The following MCC variants were observed in gnomAD, a reference collection of about 807,000 sequenced individuals.
The protein encoded by MCC is MCC regulator of Wnt signaling pathway.
Under a neutral mutation model 116.2 loss-of-function variants are expected in MCC, and 90 were observed. That is an observed-to-expected ratio of 0.77 (90% CI 0.65 to 0.92). The LOEUF (loss-of-function observed/expected upper bound fraction) is 0.92, where lower values mean the gene tolerates loss of function less well. MCC is among the 40% of genes least tolerant of loss of function. The probability of loss-of-function intolerance (pLI) is 0.00; values close to 1 mark genes in which losing one functional copy is unlikely to be tolerated. For synonymous variants in MCC, 578 were observed against 510.5 expected (o/e 1.13, Z -1.78); for missense variants, 1,516 against 1,312.2 (o/e 1.16, Z -2.40).
intron 3 of MCC, among the ~76,000 whole-genome samples, chr5:113,279,600 C>T (rs978751900): frequency 1.3e-5 from 2 of 152,180 alleles, no homozygotes; most frequent in African/African-American, 4.8e-5. Flanking sequence ...GCATGTAGAA[C>T]ACAATTATAG....
chr5:113,312,154 G>A (rs1427427673), intron 3 of MCC, among the ~76,000 whole-genome samples: 3 of 152,018 alleles, frequency 2.0e-5, no homozygotes, highest in Non-Finnish European at 4.4e-5. Context: ...GCATACACCT[G>A]TGGTCCCAGC....
At chr5:113,269,327 C>A (rs1443831546) in intron 3 of MCC, 1 of 370,048 alleles carries the variant, frequency 2.7e-6, no homozygotes, top group Non-Finnish European at 3.7e-6. Context: ...TTCAATGATA[C>A]CTTAACTGAT....
At chr5:113,192,117 G>C (rs572776126) in intron 3 of MCC, among the ~76,000 whole-genome samples, 1 of 152,144 alleles carries the variant, frequency 6.6e-6, no homozygotes. Flanking sequence ...TCTCATTCCA[G>C]TGTGCTGGGG....
chr5:113,239,513 T>G (rs1764280994), intron 3 of MCC, among the ~76,000 whole-genome samples: 1 of 152,108 alleles, frequency 6.6e-6, no homozygotes, highest in African/African-American at 2.4e-5. Flanking sequence ...AGGGTTTCAG[T>G]CACACACTTG....
chr5:113,360,113 A>T (rs1373366543), intron 2 of MCC, among the ~76,000 whole-genome samples: 1 of 152,194 alleles, frequency 6.6e-6, no homozygotes, highest in African/African-American at 2.4e-5. Context: ...ATGGCATGCC[A>T]ATGACATTGT....
chr5:113,062,648 T>C (rs554785499), intron 14 of MCC, among the ~76,000 whole-genome samples: 5 of 152,380 alleles, frequency 3.3e-5, no homozygotes, highest in South Asian at 4.1e-4. Flanking sequence ...CTGCTTTCTG[T>C]GTTTACACAG....
At chr5:113,293,175 G>C (rs1037085067) in intron 3 of MCC, among the ~76,000 whole-genome samples, 1 of 151,986 alleles carries the variant, frequency 6.6e-6, no homozygotes, top group Non-Finnish European at 1.5e-5. Flanking sequence ...CCCGACGGCA[G>C]ACCTCCTAGG....
intron 1 of MCC, chr5:113,436,059 A>T (rs941948643): frequency 6.6e-6 from 1 of 152,338 alleles, no homozygotes; most frequent in African/African-American, 2.4e-5. Context: ...ATCCACCTAG[A>T]GGGAGTGAGA....
intron 5 of MCC, among the ~76,000 whole-genome samples, chr5:113,130,710 C>T (rs1758374234): frequency 6.6e-6 from 1 of 152,072 alleles, no homozygotes; most frequent in Admixed American, 6.6e-5. Context: ...GAGCCTGGCA[C>T]ATCATCCCTC....
intron 3 of MCC, among the ~76,000 whole-genome samples, chr5:113,273,157 G>T (rs547255765): frequency 6.6e-6 from 1 of 152,188 alleles, no homozygotes; most frequent in African/African-American, 2.4e-5. Context: ...GGGGCTGAAG[G>T]TGACAATGAA....
intron 1 of MCC, among the ~76,000 whole-genome samples, chr5:113,432,035 C>G (rs1770667585): frequency 6.6e-6 from 1 of 152,174 alleles, no homozygotes; most frequent in African/African-American, 2.4e-5. Context: ...ACTTGGGAGG[C>G]TGAGGCAGGA....
At chr5:113,238,351 C>G (rs940273408) in intron 3 of MCC, among the ~76,000 whole-genome samples, 9 of 152,082 alleles carry the variant, frequency 5.9e-5, no homozygotes, top group Non-Finnish European at 1.2e-4. Flanking sequence ...AAATCACTAT[C>G]CACAACTAAT....
At chr5:113,051,658 A>G (rs1354107309) in intron 15 of MCC, among the ~76,000 whole-genome samples, 5 of 152,222 alleles carry the variant, frequency 3.3e-5, no homozygotes, top group African/African-American at 1.2e-4. Context: ...CCCAAGGGCG[A>G]GGCTATAGTG....
chr5:113,372,614 C>A (rs1212547344), intron 2 of MCC, among the ~76,000 whole-genome samples: 1 of 152,122 alleles, frequency 6.6e-6, no homozygotes, highest in Non-Finnish European at 1.5e-5. Flanking sequence ...TAGAATATAA[C>A]ATCATAAGTA....
At chr5:113,083,376 G>A (rs535054328) in intron 10 of MCC, among the ~76,000 whole-genome samples, 4 of 152,236 alleles carry the variant, frequency 2.6e-5, no homozygotes, top group South Asian at 2.1e-4. Context: ...TTTGGTTTCT[G>A]TAGCCCAGGA....
intron 2 of MCC, among the ~76,000 whole-genome samples, chr5:113,377,398 G>T (rs1374273661): frequency 6.6e-6 from 1 of 152,116 alleles, no homozygotes; most frequent in African/African-American, 2.4e-5. Context: ...CCACTAGATG[G>T]TTAGGAGTCT....
intron 1 of MCC, among the ~76,000 whole-genome samples, chr5:113,455,334 G>A (rs1771513101): frequency 6.6e-6 from 1 of 152,110 alleles, no homozygotes; most frequent in African/African-American, 2.4e-5. Context: ...ACTAGAGTAG[G>A]GCTCCCTGAA....
intron 17 of MCC, among the ~76,000 whole-genome samples, chr5:113,038,435 T>C (rs1263858304): frequency 2.0e-5 from 3 of 152,002 alleles, no homozygotes; most frequent in Non-Finnish European, 4.4e-5. Flanking sequence ...GAACCAGGCA[T>C]ATTAAGAAAT....
Position 113,449,554 on chromosome 5 carries a change from T to G in MCC, c.170+38691A>C, listed in dbSNP as rs578170870. ...AGGTACCCACCTTCCTGTGATGATT[T>G]CTGTGAGGACTTATCTAAACACAAA... On this transcript the variant is annotated intron_variant, in intron 1 of 18. Coordinates refer to ENST00000408903, the MANE Select transcript of MCC (RefSeq NM_001085377.2). Among the ~76,000 whole-genome samples the G allele has an allele frequency of 9.2e-5, 14 of 152,360 alleles. No homozygotes were observed. The South Asian group carries it at 2.9e-3, about 32-fold the overall frequency.
Sources: gnomAD v4.1 joint callset for allele counts (sites outside exome capture counted in the v4.1 genomes callset) on GRCh38, gnomAD v4.1.1 for gene constraint, MANE v1.5 for transcripts, NCBI Gene and HGNC (gene_info 2026-07-23, HGNC 2026-07-21) for gene names.